Variants in ST3GAL3 observed in about 807,000 individuals in gnomAD.
The protein encoded by ST3GAL3 is CMP-N-acetylneuraminate-beta-1,4-galactoside alpha-2,3-sialyltransferase.
ST3GAL3 carries 21 observed loss-of-function variants against 50.1 expected under a neutral mutation model. The ratio of observed to expected loss-of-function variants is 0.42; its 90% CI spans 0.30 to 0.60. The LOEUF (loss-of-function observed/expected upper bound fraction) is 0.60, where lower values mean the gene tolerates loss of function less well. ST3GAL3 is among the 20% of genes least tolerant of loss of function. The pLI is 0.19. For missense variants in ST3GAL3, 353 were observed against 489.4 expected, an observed-to-expected ratio of 0.72 and a Z score of 2.63; for synonymous variants, 183 against 190.0, an observed-to-expected ratio of 0.96 and a Z score of 0.30.
At chr1:43,832,242 C>G (rs3791074) in intron 4 of ST3GAL3, among the ~76,000 whole-genome samples, 10,216 of 152,216 alleles carry the variant, frequency 0.067, 372 homozygotes, top group East Asian at 0.14. Context: ...GTCAGCTCCA[C>G]AATCACTGAT....
rs539740014 is a variant in ST3GAL3, at chr1:43,899,797, C to A, written c.744+70C>A. 5.2e-5 allele frequency: 74 copies of A among 1,417,348 alleles called. No individual in the cohort carries two copies. The highest frequency in any genetic ancestry group is 7.2e-5 in the Non-Finnish European group (72 of 1,005,298). The allele number at this position is 1,417,348 out of a possible 1,614,324, so 87.8% of individuals were successfully genotyped here. A position where few individuals can be genotyped will look rare whatever the true frequency, so the allele number is the denominator to read the frequency against. On this transcript the variant is annotated intron_variant, in intron 9 of 11. Transcript: ENST00000347631. This position sits in a 1 kb window ranked among gnomAD's most constrained non-coding sequence, Gnocchi z 5.4. ...TCCGCAACTCCTAAGCAATCCCGCC[C>A]CTTGAATGCAGCAAAGAACGAGTAA...
intron 2 of ST3GAL3, among the ~76,000 whole-genome samples, chr1:43,763,455 G>A (rs1478939047): frequency 2.0e-5 from 3 of 152,176 alleles, no homozygotes; most frequent in Non-Finnish European, 4.4e-5. Flanking sequence ...ATGAGCAATA[G>A]TTGGCATGGA....
chr1:43,804,033 G>T (rs1435687106), intron 3 of ST3GAL3, among the ~76,000 whole-genome samples: 1 of 152,194 alleles, frequency 6.6e-6, no homozygotes, highest in Non-Finnish European at 1.5e-5. Flanking sequence ...AGGAGAGCTG[G>T]AATATGAGTG....
At chr1:43,712,175 A>C (rs1665097784) in intron 1 of ST3GAL3, among the ~76,000 whole-genome samples, 1 of 152,202 alleles carries the variant, frequency 6.6e-6, no homozygotes, top group Admixed American at 6.6e-5. Flanking sequence ...GTTCATGTAA[A>C]GTGCTTTGCA....
At chr1:43,810,056 G>GA (rs990409441) in intron 3 of ST3GAL3, among the ~76,000 whole-genome samples, 2 of 151,230 alleles carry the variant, frequency 1.3e-5, no homozygotes, top group Non-Finnish European at 3.0e-5. Flanking sequence ...CATTACTGGG[G>GA]AAAAAAAATG....
intron 1 of ST3GAL3, among the ~76,000 whole-genome samples, chr1:43,728,857 A>G (rs1674270049): frequency 6.6e-6 from 1 of 152,180 alleles, no homozygotes; most frequent in African/African-American, 2.4e-5. Flanking sequence ...ATACACACAT[A>G]TGTACATATA....
At chr1:43,768,910 A>G (rs1694087077) in intron 2 of ST3GAL3, among the ~76,000 whole-genome samples, 1 of 152,226 alleles carries the variant, frequency 6.6e-6, no homozygotes, top group Admixed American at 6.5e-5. Flanking sequence ...TGAGACTAGC[A>G]TAACCTTGAT....
In ST3GAL3 at chr1:43,920,275, C is replaced by T; in HGVS notation, c.745-129C>T. 4 of 1,117,168 alleles carry T rather than the reference C, an allele frequency of 3.6e-6. No homozygotes were observed. The Admixed American group carries it at 5.4e-5, about 15-fold the overall frequency. The allele number at this position is 1,117,168 out of a possible 1,614,324, so 69.2% of individuals were successfully genotyped here. Reference sequence around the variant, plus strand: ...AAACACAGATGGGCTTCCTACACCACAGGCCCTGGGTTCCCCATTAAACGC... The same window carrying T: ...AAACACAGATGGGCTTCCTACACCATAGGCCCTGGGTTCCCCATTAAACGC... On this transcript the variant is annotated intron_variant, in intron 9 of 11. Transcript: ENST00000347631.
At chr1:43,761,149 C>A (rs565224575) in intron 2 of ST3GAL3, among the ~76,000 whole-genome samples, 6 of 152,176 alleles carry the variant, frequency 3.9e-5, no homozygotes, top group Non-Finnish European at 8.8e-5. Context: ...AATGTCCCTC[C>A]GGGAGCTGGA....
chr1:43,865,878 T>G (rs1251089473), intron 5 of ST3GAL3, among the ~76,000 whole-genome samples: 4 of 152,220 alleles, frequency 2.6e-5, no homozygotes, highest in Non-Finnish European at 5.9e-5. Flanking sequence ...CTTTCTTTTT[T>G]GTTTTAGTTT....
At chr1:43,743,690 T>G (rs1167481884) in intron 2 of ST3GAL3, 1 of 248,520 alleles carries the variant, frequency 4.0e-6, no homozygotes, top group African/African-American at 2.3e-5. Context: ...ATTGCCATGT[T>G]CCAGTAGCAG....
chr1:43,866,899 TGGTG>T (rs1439469413), intron 5 of ST3GAL3, among the ~76,000 whole-genome samples: 6 of 151,988 alleles, frequency 3.9e-5, no homozygotes, highest in Non-Finnish European at 8.8e-5. Context: ...TGGGAGGCCG[TGGTG>T]GGTGGATCAT....
intron 5 of ST3GAL3, among the ~76,000 whole-genome samples, chr1:43,854,021 A>G (rs1238977796): frequency 6.6e-6 from 1 of 152,170 alleles, no homozygotes; most frequent in Non-Finnish European, 1.5e-5. Flanking sequence ...CTTCCAGAAA[A>G]AGATCCTGGG....
intron 5 of ST3GAL3, among the ~76,000 whole-genome samples, chr1:43,844,210 G>T (rs1401790944): frequency 1.3e-5 from 2 of 152,168 alleles, no homozygotes; most frequent in Non-Finnish European, 2.9e-5. Flanking sequence ...CCCTGTGGAG[G>T]ATTACATAGG....
At chr1:43,716,524 GAC>G (rs1374798863) in intron 1 of ST3GAL3, 13 of 152,152 alleles carry the variant, frequency 8.5e-5, no homozygotes, top group African/African-American at 3.1e-4. Flanking sequence ...AGATTAGGAT[GAC>G]ACACAAATTT....
intron 5 of ST3GAL3, among the ~76,000 whole-genome samples, chr1:43,863,620 G>C (rs755632339): frequency 1.3e-5 from 2 of 152,196 alleles, no homozygotes; most frequent in Non-Finnish European, 2.9e-5. Context: ...ATAAAGAATG[G>C]GTTGGGGAAA....
rs1398298272 is a variant in ST3GAL3 at position 43,921,912 on chromosome 1, G to A, written c.1038+984G>A. The A allele has an allele frequency of 7.5e-6, 3 of 397,378 alleles. No individual in the cohort carries two copies. The Admixed American group carries it at 1.3e-4, about 18-fold the overall frequency. 24.6% of individuals were successfully genotyped at this position (397,378 alleles called of 1,614,324 possible). A position where few individuals can be genotyped will look rare whatever the true frequency, so the allele number is the denominator to read the frequency against. On this transcript the variant is annotated intron_variant, in intron 11 of 11. Coordinates refer to ENST00000347631, the MANE Select transcript of ST3GAL3 (RefSeq NM_006279.5). ...CACCTCAAGGTGGCCAATTCCAGTGGACACAACGTCATCTTTCCTGATCTC... is the reference window on the plus strand; with the variant it reads ...CACCTCAAGGTGGCCAATTCCAGTGAACACAACGTCATCTTTCCTGATCTC...
chr1:43,867,103 C>T (rs2071514393), intron 5 of ST3GAL3, among the ~76,000 whole-genome samples: 1 of 152,230 alleles, frequency 6.6e-6, no homozygotes, highest in African/African-American at 2.4e-5. Flanking sequence ...GCACTCCAGC[C>T]TGGGTGACAG....
At chr1:43,926,554 G>A (rs1424708553) in intron 11 of ST3GAL3, among the ~76,000 whole-genome samples, 2 of 151,816 alleles carry the variant, frequency 1.3e-5, no homozygotes, top group South Asian at 2.1e-4. Context: ...GCAGTGAGCC[G>A]AGATTGCACC....
Sources: allele counts gnomAD v4.1 joint callset (sites outside exome capture counted in the v4.1 genomes callset), GRCh38; gene constraint gnomAD v4.1.1; non-coding constraint Gnocchi (gnomAD v3.1); transcripts MANE v1.5; gene names NCBI Gene and HGNC (gene_info 2026-07-23, HGNC 2026-07-21).